The following AGBL4 variants were observed in gnomAD, a reference collection of about 807,000 sequenced individuals.
AGBL4 encodes the protein cytosolic carboxypeptidase 6.
In AGBL4, 58 loss-of-function variants were observed where a neutral mutation model predicts 66.4. The observed-to-expected ratio is 0.87, with a 90% confidence interval of 0.71 to 1.09. AGBL4 has a LOEUF of 1.09. AGBL4 is among the 50% of genes least tolerant of loss of function. The pLI is 0.00. For missense variants in AGBL4, 579 were observed against 631.0 expected (o/e 0.92, Z 0.88); for synonymous variants, 234 against 222.9 (o/e 1.05, Z -0.44).
intron 3 of AGBL4, among the ~76,000 whole-genome samples, chr1:49,555,254 A>G (rs1031154632): frequency 1.3e-5 from 2 of 150,920 alleles, no homozygotes; most frequent in African/African-American, 4.9e-5. Context: ...TGCATTGACA[A>G]TCCTTTAGCT....
At chr1:49,039,307 C>T (rs1233435591) in intron 5 of AGBL4, among the ~76,000 whole-genome samples, 1 of 152,026 alleles carries the variant, frequency 6.6e-6, no homozygotes, top group Non-Finnish European at 1.5e-5. Flanking sequence ...GTACAACACC[C>T]AGAGTGAACT....
intron 2 of AGBL4, among the ~76,000 whole-genome samples, chr1:49,751,253 T>G (rs1417319411): frequency 6.6e-6 from 1 of 152,204 alleles, no homozygotes; most frequent in African/African-American, 2.4e-5. Context: ...TTGAGATACA[T>G]TCCATCAATA....
At chr1:49,966,390 T>G (rs1657567056) in intron 1 of AGBL4, among the ~76,000 whole-genome samples, 1 of 152,214 alleles carries the variant, frequency 6.6e-6, no homozygotes, top group Non-Finnish European at 1.5e-5. Context: ...TAACACTAGC[T>G]TTTCAAAAAT....
At chr1:49,944,521 C>T (rs1655044201) in intron 1 of AGBL4, among the ~76,000 whole-genome samples, 1 of 152,088 alleles carries the variant, frequency 6.6e-6, no homozygotes, top group African/African-American at 2.4e-5. Flanking sequence ...AAGAGTACCA[C>T]ATCAAGGGAA....
intron 2 of AGBL4, among the ~76,000 whole-genome samples, chr1:49,790,861 C>T (rs1160946235): frequency 1.3e-5 from 2 of 152,004 alleles, no homozygotes; most frequent in South Asian, 2.1e-4. Context: ...GGCAGATAAT[C>T]GACTATATTT....
At position 49,551,784 on chromosome 1, in the gene AGBL4, G is replaced by T. The variant is rs983968201; in HGVS notation, c.282+145529C>A. ...TGTGCTGGTTGGCCTCCTGCCGGTA[G>T]GTAGTGCTGTCCAGAGAGCATCAGC... On this transcript the variant is annotated intron_variant, in intron 3 of 13. Transcript: ENST00000371839. Among the ~76,000 whole-genome samples, 7 of 152,238 alleles carry T rather than the reference G, an allele frequency of 4.6e-5. 1 individual carries two copies. Among genetic ancestry groups the T allele is most frequent in the Admixed American group, 3.3e-4 (5 of 15,286 alleles).
chr1:49,818,885 G>A (rs1290597238), intron 2 of AGBL4, among the ~76,000 whole-genome samples: 1 of 152,054 alleles, frequency 6.6e-6, no homozygotes, highest in East Asian at 1.9e-4. Flanking sequence ...TCCATTCCAA[G>A]TCATCTGTGG....
At chr1:49,853,962 C>T (rs1210045731) in intron 1 of AGBL4, among the ~76,000 whole-genome samples, 1 of 151,374 alleles carries the variant, frequency 6.6e-6, no homozygotes, top group Non-Finnish European at 1.5e-5. Flanking sequence ...GGAAATAATA[C>T]CAGATATAAA....
chr1:49,101,806 G>A (rs1003696404), intron 4 of AGBL4, among the ~76,000 whole-genome samples: 2 of 152,108 alleles, frequency 1.3e-5, no homozygotes, highest in African/African-American at 4.8e-5. Flanking sequence ...ACTGCCTCTA[G>A]GCTGCCCCAT....
At chr1:49,181,758 C>T (rs1646934567) in intron 4 of AGBL4, among the ~76,000 whole-genome samples, 2 of 152,130 alleles carry the variant, frequency 1.3e-5, no homozygotes, top group African/African-American at 2.4e-5. Context: ...CTCTATATCC[C>T]CACATGTAAG....
intron 2 of AGBL4, among the ~76,000 whole-genome samples, chr1:49,786,240 C>A (rs867292154): frequency 1.2e-4 from 19 of 152,114 alleles, no homozygotes; most frequent in Non-Finnish European, 2.2e-4. Flanking sequence ...TGGCTGAGAT[C>A]AAACTATGTA....
intron 5 of AGBL4, among the ~76,000 whole-genome samples, chr1:49,003,739 A>G (rs1661569046): frequency 6.6e-6 from 1 of 152,118 alleles, no homozygotes; most frequent in South Asian, 2.1e-4. Context: ...CTGTTGTTTT[A>G]GCCATCTCTC....
chr1:49,303,764 C>T (rs1193412466), intron 3 of AGBL4, among the ~76,000 whole-genome samples: 1 of 152,116 alleles, frequency 6.6e-6, no homozygotes, highest in Non-Finnish European at 1.5e-5. Context: ...GCATGAGCCA[C>T]TGCACCCAAC....
intron 1 of AGBL4, among the ~76,000 whole-genome samples, chr1:49,960,589 T>A (rs1246340583): frequency 6.6e-6 from 1 of 152,066 alleles, no homozygotes; most frequent in Non-Finnish European, 1.5e-5. Flanking sequence ...AAAGAAACAA[T>A]CAATATTTGA....
At chr1:48,681,264 ATGAG>A (rs1340222912) in intron 6 of AGBL4, among the ~76,000 whole-genome samples, 1 of 152,238 alleles carries the variant, frequency 6.6e-6, no homozygotes, top group Non-Finnish European at 1.5e-5. Context: ...AAGAAATAAA[ATGAG>A]TAAGTCGGGG....
chr1:49,860,581 C>T (rs1211517436), intron 1 of AGBL4, among the ~76,000 whole-genome samples: 1 of 152,058 alleles, frequency 6.6e-6, no homozygotes, highest in Non-Finnish European at 1.5e-5. Flanking sequence ...TGCCACTAGT[C>T]CCAGTAACTC....
chr1:49,086,541 C>A (rs1047244880), intron 4 of AGBL4, among the ~76,000 whole-genome samples: 3 of 152,094 alleles, frequency 2.0e-5, no homozygotes, highest in Non-Finnish European at 4.4e-5. Flanking sequence ...GACAACCCCA[C>A]CCATCCTGCC....
intron 6 of AGBL4, among the ~76,000 whole-genome samples, chr1:48,744,946 C>G (rs1323404011): frequency 6.6e-6 from 1 of 152,188 alleles, no homozygotes; most frequent in African/African-American, 2.4e-5. Context: ...GACTTTCGGA[C>G]ATAGCTCAGG....
intron 2 of AGBL4, among the ~76,000 whole-genome samples, chr1:49,751,454 T>A (rs1396027086): frequency 6.6e-6 from 1 of 152,186 alleles, no homozygotes; most frequent in African/African-American, 2.4e-5. Context: ...GTGGATAAGC[T>A]TTTTAATGTG....
Sources: allele counts gnomAD v4.1 joint callset (sites outside exome capture counted in the v4.1 genomes callset), GRCh38; gene constraint gnomAD v4.1.1; transcripts MANE v1.5; gene names NCBI Gene and HGNC (gene_info 2026-07-23, HGNC 2026-07-21).